Variants in NRTN observed in about 807,000 individuals in gnomAD.
NRTN encodes the protein prepro-neurturin.
In NRTN, 3 loss-of-function variants were observed where a neutral mutation model predicts 7.5. The observed-to-expected ratio is 0.40, with a 90% confidence interval of 0.18 to 1.03. The LOEUF (loss-of-function observed/expected upper bound fraction) is 1.03. Ranked by LOEUF, NRTN falls within the 50% of genes least tolerant of loss-of-function variation. The probability of loss-of-function intolerance (pLI) is 0.34; values close to 1 mark genes in which losing one functional copy is unlikely to be tolerated. For missense variants in NRTN, 310 were observed against 307.0 expected, an observed-to-expected ratio of 1.01 and a Z score of -0.07; for synonymous variants, 157 against 146.6, an observed-to-expected ratio of 1.07 and a Z score of -0.51.
intron 1 of NRTN, among the ~76,000 whole-genome samples, chr19:5,822,344 C>G (rs575573544): frequency 5.9e-5 from 9 of 152,328 alleles, no homozygotes; most frequent in African/African-American, 1.9e-4. Context: ...GCATCCAGCC[C>G]GGCTTTCAGT....
At chr19:5,823,590 GA>G (rs1362480190) in intron 1 of NRTN, among the ~76,000 whole-genome samples, 177 bp from the exon 2 acceptor site, 1 of 152,172 alleles carries the variant, frequency 6.6e-6, no homozygotes, top group African/African-American at 2.4e-5. Context: ...ATCTGGATGG[GA>G]AACAGGCTCA....
In NRTN at chr19:5,827,915, G is replaced by A. The variant is rs1358532941; in HGVS notation, c.336G>A (p.Val112=). The part of the protein sequence containing the change: ...PCGLRELEVR[V]SELGLGYASD... ...GGCTGCGCGAGCTGGAGGTGCGCGTGAGCGAGCTGGGCCTGGGCTACGCGT... is the reference window on the plus strand; with the variant it reads ...GGCTGCGCGAGCTGGAGGTGCGCGTAAGCGAGCTGGGCCTGGGCTACGCGT... The change falls in exon 3 of 3, where the codon GTG becomes GTA. Residue 112 remains valine (V), a synonymous_variant. Coordinates refer to ENST00000303212, the MANE Select transcript of NRTN (RefSeq NM_004558.5). The A allele has an allele frequency of 1.4e-6, 2 of 1,454,078 alleles. No homozygotes were observed. The highest frequency in any genetic ancestry group is 2.8e-5 in the South Asian group (2 of 72,388). The allele number at this position is 1,454,078 out of a possible 1,614,324, so 90.1% of individuals were successfully genotyped here. A position where few individuals can be genotyped will look rare whatever the true frequency, so the allele number is the denominator to read the frequency against.
In NRTN at chr19:5,823,821, G is replaced by C. The variant is rs1436344616; in HGVS notation, c.-345G>C. ...CCTGGGATACGCCACACTCAGTCTGGCCTCGGGGCCTTTGCACTGGCTGTG... is the reference window on the plus strand; with the variant it reads ...CCTGGGATACGCCACACTCAGTCTGCCCTCGGGGCCTTTGCACTGGCTGTG... On this transcript the variant is annotated 5_prime_UTR_variant, in exon 2 of 3. Coordinates refer to ENST00000303212, the MANE Select transcript of NRTN (RefSeq NM_004558.5). The C allele has an allele frequency of 9.2e-6, 4 of 433,364 alleles. No homozygotes were observed. The highest frequency in any genetic ancestry group is 1.7e-5 in the Non-Finnish European group (4 of 233,866). 26.8% of individuals were successfully genotyped at this position (433,364 alleles called of 1,614,324 possible). A position where few individuals can be genotyped will look rare whatever the true frequency, so the allele number is the denominator to read the frequency against.
rs1386092308 is a variant in NRTN at position 5,826,380 on chromosome 19, G to C, written c.170-1369G>C. Among the ~76,000 whole-genome samples the C allele has an allele frequency of 4.6e-5, 7 of 152,234 alleles. No individual in the cohort carries two copies. In the East Asian group the frequency reaches 1.4e-3, roughly 29 times the overall value. On this transcript the variant is annotated intron_variant, in intron 2 of 2. Coordinates refer to ENST00000303212, the MANE Select transcript of NRTN (RefSeq NM_004558.5). ...TTCCCACCCTCTCAGCCCCGGCCAA[G>C]ACAGAGATCATGGAAGCTTCATGGG...
intron 1 of NRTN, among the ~76,000 whole-genome samples, chr19:5,814,740 G>T (rs2056999952): frequency 6.6e-6 from 1 of 152,226 alleles, no homozygotes; most frequent in African/African-American, 2.4e-5. Context: ...GCCTCTCTCT[G>T]AGTCCATTTC....
At chr19:5,822,023 C>T (rs2057026583) in intron 1 of NRTN, among the ~76,000 whole-genome samples, 1 of 152,116 alleles carries the variant, frequency 6.6e-6, no homozygotes, top group Non-Finnish European at 1.5e-5. Flanking sequence ...GATAGTAGTG[C>T]CTCTCTTGTG....
chr19:5,823,698 G>A (rs1052475257), intron 1 of NRTN, 70 bp from the exon 2 acceptor site: 4 of 281,902 alleles, frequency 1.4e-5, no homozygotes, highest in Non-Finnish European at 2.8e-5. Context: ...CCCTCCCCGC[G>A]CCTTTGTCCC....
chr19:5,820,305 G>C (rs1473748425), intron 1 of NRTN, among the ~76,000 whole-genome samples: 1 of 141,558 alleles, frequency 7.1e-6, no homozygotes, highest in Non-Finnish European at 1.5e-5. Context: ...GGTGGCTCAC[G>C]CCTGTAATCC....
chr19:5,827,769 G>A lies in NRTN; in HGVS notation c.190G>A (p.Ala64Thr), dbSNP rs1441768432. Residue 64 changes from alanine to threonine, a missense_variant, in exon 3 of 3, where the codon GCC (alanine) becomes ACC (threonine). Ala to Thr is a moderately conservative substitution (Grantham distance 58). Transcript: ENST00000303212. ...LAQYRALLQG[A>T]PDAMELRELT... The stretch of plus-strand genomic sequence containing the variant: ...CGCAGACCGTGCACTCCTGCAGGGG[G>A]CCCCGGATGCGATGGAGCTGCGCGA... 4.9e-6 allele frequency: 6 copies of A among 1,224,486 alleles called. No homozygotes were observed. Among genetic ancestry groups the A allele is most frequent in the East Asian group, 3.4e-5 (1 of 29,662 alleles). 75.9% of individuals were successfully genotyped at this position (1,224,486 alleles called of 1,614,324 possible).
In NRTN at chr19:5,828,033, C is replaced by G; in HGVS notation, c.454C>G (p.Arg152Gly). 2.8e-6 allele frequency: 4 copies of G among 1,414,304 alleles called. No individual in the cohort carries two copies. The highest frequency in any genetic ancestry group is 3.7e-6 in the Non-Finnish European group (4 of 1,092,920). 87.6% of individuals were successfully genotyped at this position (1,414,304 alleles called of 1,614,324 possible). The change falls in exon 3 of 3, where the codon CGG (arginine) becomes GGG (glycine). Residue 152 changes from arginine to glycine, a missense_variant. Coordinates refer to ENST00000303212, the MANE Select transcript of NRTN (RefSeq NM_004558.5). ...DLGLRRLRQR[R>G]RLRRERVRAQ... The stretch of plus-strand genomic sequence containing the variant: ...CGGGCTGCGACGACTGCGCCAGCGG[C>G]GGCGCCTGCGGCGGGAGCGGGTGCG...
intron 1 of NRTN, among the ~76,000 whole-genome samples, chr19:5,818,496 G>T (rs2057013278): frequency 6.6e-6 from 1 of 152,122 alleles, no homozygotes; most frequent in Non-Finnish European, 1.5e-5. Flanking sequence ...GCCCAGGCTG[G>T]TCTTGAACTC....
intron 1 of NRTN, among the ~76,000 whole-genome samples, chr19:5,820,003 T>A (rs1473391585): frequency 1.7e-4 from 25 of 147,852 alleles, no homozygotes; most frequent in East Asian, 8.2e-4. Flanking sequence ...ACGGTGGCTC[T>A]CGCCTGTAAT....
chr19:5,822,620 G>A (rs1296341122), intron 1 of NRTN, among the ~76,000 whole-genome samples: 2 of 152,208 alleles, frequency 1.3e-5, no homozygotes, highest in Admixed American at 6.5e-5. Context: ...GCCCACTAGC[G>A]CCCCTGCACC....
chr19:5,821,958 C>T (rs1422995648), intron 1 of NRTN, among the ~76,000 whole-genome samples: 1 of 152,146 alleles, frequency 6.6e-6, no homozygotes, highest in Non-Finnish European at 1.5e-5. Flanking sequence ...CTTTTCTAAC[C>T]CTTGGACAAG....
rs564981794 is a variant in NRTN at position 5,827,860 on chromosome 19, C to A, written c.281C>A (p.Ala94Glu). 1.6e-4 allele frequency: 198 copies of A among 1,204,466 alleles called. No homozygotes were observed. The highest frequency in any genetic ancestry group is 9.9e-4 in the Middle Eastern group (4 of 4,026). The allele number at this position is 1,204,466 out of a possible 1,614,324, so 74.6% of individuals were successfully genotyped here. The change falls in exon 3 of 3, where the codon GCG becomes GAG. Residue 94 changes from alanine to glutamate, a missense_variant. Coordinates refer to ENST00000303212, the MANE Select transcript of NRTN (RefSeq NM_004558.5). ...CGGGCGGGGCCCCGGCGGCGGCGCG[C>A]GCGTGCGCGGTTGGGGGCGCGGCCT... Reference protein sequence around the residue: ...RRRAGPRRRRARARLGARPCG... With the variant: ...RRRAGPRRRRERARLGARPCG...
rs561782359 is a variant in NRTN, at chr19:5,805,341, GC to G, written c.-501del. 0.033 allele frequency among the ~76,000 whole-genome samples: 4,756 copies of G among 145,536 alleles called. 267 individuals are homozygous for G. The highest frequency in any genetic ancestry group is 0.11 in the African/African-American group (4,475 of 40,626). On this transcript the variant is annotated 5_prime_UTR_variant, in exon 1 of 3. It removes the in-frame stop codon of an upstream open reading frame in the 5' UTR. Coordinates refer to ENST00000303212, the MANE Select transcript of NRTN (RefSeq NM_004558.5). ...CCCGCGGCCGCCCCCTCCGGCCCGG[GC>G]CCCCCCCGGGCACCGCGGGCCCAGG... is the stretch of plus-strand genomic sequence containing the variant.
chr19:5,813,895 C>T lies in NRTN; in HGVS notation c.-399+8444C>T, dbSNP rs1004042566. Among the ~76,000 whole-genome samples the T allele has an allele frequency of 5.9e-5, 9 of 152,044 alleles. No homozygotes were observed. The East Asian group carries it at 1.5e-3, about 26-fold the overall frequency. ...TGGTGACAGGCATCTGTAGTCCCAG[C>T]TGCTTGGGAGGCTGAGGCAGGAGAA... On this transcript the variant is annotated intron_variant, in intron 1 of 2. Coordinates refer to ENST00000303212, the MANE Select transcript of NRTN (RefSeq NM_004558.5).
intron 2 of NRTN, 33 bp downstream of exon 2, chr19:5,824,367 C>A: frequency 6.4e-7 from 1 of 1,573,052 alleles, no homozygotes. Flanking sequence ...GTCAGATACC[C>A]CCAACGTAAG....
chr19:5,805,662 C>T (rs371368701), intron 1 of NRTN, among the ~76,000 whole-genome samples: 1 of 151,870 alleles, frequency 6.6e-6, no homozygotes, highest in East Asian at 2.0e-4. Context: ...AGATCCTAAG[C>T]GGCTCTCCAA....
Sources: allele counts gnomAD v4.1 joint callset (sites outside exome capture counted in the v4.1 genomes callset), GRCh38; gene constraint gnomAD v4.1.1; transcripts MANE v1.5; gene names NCBI Gene and HGNC (gene_info 2026-07-23, HGNC 2026-07-21).